KCNQ5: variants seen among roughly 807,000 people sequenced by gnomAD.
KCNQ5 encodes potassium voltage-gated channel subfamily Q member 5.
In KCNQ5, 30 loss-of-function variants were observed where a neutral mutation model predicts 98.2. The ratio of observed to expected loss-of-function variants is 0.31; its 90% CI spans 0.23 to 0.41. The LOEUF (loss-of-function observed/expected upper bound fraction) is 0.41, where lower values mean the gene tolerates loss of function less well. Among genes scored for constraint, KCNQ5 ranks in the 10% least tolerant of loss-of-function variants. The pLI, the probability that KCNQ5 is intolerant of heterozygous loss-of-function variation, is 1.00. For missense variants in KCNQ5, 835 were observed against 1,182.5 expected (o/e 0.71, Z 4.31); for synonymous variants, 458 against 449.4 (o/e 1.02, Z -0.24).
intron 1 of KCNQ5, among the ~76,000 whole-genome samples, chr6:72,716,114 G>C (rs1392987079): frequency 3.3e-5 from 5 of 152,082 alleles, no homozygotes; most frequent in African/African-American, 1.2e-4. Context: ...TGCTCATCTT[G>C]ATTATTTATG....
chr6:72,914,827 G>C (rs1205789250), intron 1 of KCNQ5, among the ~76,000 whole-genome samples: 1 of 151,740 alleles, frequency 6.6e-6, no homozygotes, highest in African/African-American at 2.4e-5. Context: ...AAGCCAGGGG[G>C]CTCGGGCAGT....
At chr6:72,995,426 C>T (rs1420826446) in intron 1 of KCNQ5, among the ~76,000 whole-genome samples, 1 of 150,340 alleles carries the variant, frequency 6.7e-6, no homozygotes, top group Non-Finnish European at 1.5e-5. Context: ...AACATAAGTT[C>T]ATCAAGAGTA....
intron 3 of KCNQ5, among the ~76,000 whole-genome samples, chr6:73,057,131 T>C (rs1582271209): frequency 6.6e-6 from 1 of 152,140 alleles, no homozygotes; most frequent in Non-Finnish European, 1.5e-5. Context: ...GTATACACCA[T>C]GGAATACTAT....
chr6:73,081,920 G>A (rs749684926), intron 5 of KCNQ5, among the ~76,000 whole-genome samples: 7 of 152,110 alleles, frequency 4.6e-5, no homozygotes, highest in South Asian at 2.1e-4. Flanking sequence ...CTAAACACAC[G>A]AAGGTGCCCC....
intron 1 of KCNQ5, among the ~76,000 whole-genome samples, chr6:72,999,515 A>C (rs1015620736): frequency 2.0e-5 from 3 of 152,216 alleles, no homozygotes; most frequent in Non-Finnish European, 4.4e-5. Flanking sequence ...ATGGAAAAAC[A>C]TTCATATATT....
At chr6:73,051,294 G>A (rs544450991) in intron 3 of KCNQ5, among the ~76,000 whole-genome samples, 54 of 152,264 alleles carry the variant, frequency 3.5e-4, no homozygotes, top group Admixed American at 7.2e-4. Flanking sequence ...CTACCAGCAT[G>A]AGCGTGCACA....
At chr6:72,763,365 A>G (rs1772385385) in intron 1 of KCNQ5, among the ~76,000 whole-genome samples, 1 of 152,054 alleles carries the variant, frequency 6.6e-6, no homozygotes, top group African/African-American at 2.4e-5. Flanking sequence ...AGTTAAAATT[A>G]CAGGTTCAAG....
chr6:72,843,338 C>A (rs566102236), intron 1 of KCNQ5, among the ~76,000 whole-genome samples: 198 of 152,180 alleles, frequency 1.3e-3, no homozygotes, highest in Non-Finnish European at 1.9e-3. Flanking sequence ...TTCTGTTGGT[C>A]TATATATCTG....
intron 3 of KCNQ5, among the ~76,000 whole-genome samples, chr6:73,050,264 AAGG>A (rs1262348025): frequency 3.2e-5 from 3 of 93,838 alleles, no homozygotes; most frequent in African/African-American, 1.3e-4. Flanking sequence ...GGAGGGAAGG[AAGG>A]AAGGAAGGAA....
At chr6:72,637,740 G>C in intron 1 of KCNQ5, among the ~76,000 whole-genome samples, 1 of 152,118 alleles carries the variant, frequency 6.6e-6, no homozygotes, top group East Asian at 1.9e-4. Flanking sequence ...AAATGGAAAA[G>C]GCAGAGAAAT....
chr6:73,079,093 G>A (rs528134090), intron 5 of KCNQ5, among the ~76,000 whole-genome samples: 9 of 152,230 alleles, frequency 5.9e-5, no homozygotes, highest in African/African-American at 2.2e-4. Context: ...CTTGAGCTCA[G>A]GCATTTGAGA....
At chr6:73,066,401 G>A (rs1773059611) in intron 3 of KCNQ5, among the ~76,000 whole-genome samples, 5 of 152,070 alleles carry the variant, frequency 3.3e-5, no homozygotes, top group Non-Finnish European at 7.4e-5. Flanking sequence ...CCTACCCCAG[G>A]AGAACATAAG....
chr6:72,689,302 CT>C (rs759014093), intron 1 of KCNQ5, among the ~76,000 whole-genome samples: 4 of 152,178 alleles, frequency 2.6e-5, no homozygotes, highest in Non-Finnish European at 1.5e-5. Flanking sequence ...TCTAATTCCC[CT>C]GGGACATAGC....
chr6:72,904,143 A>G (rs1028567661), intron 1 of KCNQ5, among the ~76,000 whole-genome samples: 1 of 152,182 alleles, frequency 6.6e-6, no homozygotes, highest in African/African-American at 2.4e-5. Flanking sequence ...TGATACAAGA[A>G]TAGCTTTAAA....
chr6:73,198,604 G>A lies in KCNQ5; in HGVS notation c.*3190G>A, dbSNP rs1042505598. ...TCATAAATATTAACTTGTCTCCCTA[G>A]AAGCTGAGATTTTTCGCCTTAAATG... On this transcript the variant is annotated 3_prime_UTR_variant, in exon 14 of 14. Transcript: ENST00000370398. The A allele has an allele frequency of 2.0e-5, 3 of 152,168 alleles. No homozygotes were observed. The highest frequency in any genetic ancestry group is 7.2e-5 in the African/African-American group (3 of 41,446). The allele number at this position is 152,168 out of a possible 1,614,324, so 9.4% of individuals were successfully genotyped here. A position where few individuals can be genotyped will look rare whatever the true frequency, so the allele number is the denominator to read the frequency against.
chr6:73,173,359 G>A (rs1349586508), intron 11 of KCNQ5, among the ~76,000 whole-genome samples: 2 of 152,128 alleles, frequency 1.3e-5, no homozygotes, highest in Non-Finnish European at 2.9e-5. Flanking sequence ...TTCCTAAATG[G>A]AAAGATAAAA....
chr6:73,118,183 G>A (rs1326144679), intron 7 of KCNQ5, among the ~76,000 whole-genome samples: 2 of 152,096 alleles, frequency 1.3e-5, no homozygotes, highest in Non-Finnish European at 2.9e-5. Flanking sequence ...GTACCCCTTC[G>A]CAATCACTAT....
At chr6:73,177,873 A>C (rs1778272622) in intron 11 of KCNQ5, among the ~76,000 whole-genome samples, 1 of 152,188 alleles carries the variant, frequency 6.6e-6, no homozygotes, top group African/African-American at 2.4e-5. Flanking sequence ...TTTTGTTTTG[A>C]AGGTAATTAG....
Position 72,957,170 on chromosome 6 carries a change from C to CTT in KCNQ5, c.399-46721_399-46720dup, listed in dbSNP as rs11374806. Among the ~76,000 whole-genome samples the CTT allele has an allele frequency of 3.0e-3, 379 of 125,230 alleles. 4 individuals carry two copies. Among genetic ancestry groups the CTT allele is most frequent in the Middle Eastern group, 0.018 (4 of 226 alleles). 82.2% of individuals were successfully genotyped at this position (125,230 alleles called of 152,430 possible). A position where few individuals can be genotyped will look rare whatever the true frequency, so the allele number is the denominator to read the frequency against. On this transcript the variant is annotated intron_variant, in intron 1 of 13. Transcript: ENST00000370398. Reference sequence around the variant, plus strand: ...CCCCTGGCTGTACATATGTAGGAAGCTTTTTTTTTTTTTTTTTTGAGATAG... The same window carrying CTT: ...CCCCTGGCTGTACATATGTAGGAAGCTTTTTTTTTTTTTTTTTTTTGAGATAG...
Sources: allele counts gnomAD v4.1 joint callset (sites outside exome capture counted in the v4.1 genomes callset), GRCh38; gene constraint gnomAD v4.1.1; transcripts MANE v1.5; gene names NCBI Gene and HGNC (gene_info 2026-07-23, HGNC 2026-07-21).